Variants in HMGA2 observed in about 807,000 individuals in gnomAD.
The protein encoded by HMGA2 is high mobility group protein HMGI-C.
Under a neutral mutation model 19.1 loss-of-function variants are expected in HMGA2, and 8 were observed. The observed-to-expected ratio is 0.42, with a 90% confidence interval of 0.25 to 0.76. The LOEUF is 0.76. Among genes scored for constraint, HMGA2 ranks in the 30% least tolerant of loss-of-function variants. HMGA2 has a pLI of 0.28. For missense variants in HMGA2, 109 were observed against 136.3 expected, an observed-to-expected ratio of 0.80 and a Z score of 1.00; for synonymous variants, 60 against 48.8, an observed-to-expected ratio of 1.23 and a Z score of -0.96.
intron 3 of HMGA2, among the ~76,000 whole-genome samples, chr12:65,894,894 A>G (rs543316512): frequency 2.6e-5 from 4 of 152,286 alleles, no homozygotes; most frequent in African/African-American, 7.2e-5. Context: ...ATATGATTAC[A>G]TGGGCAAATA....
rs555633538 is a variant in HMGA2 at position 65,824,914 on chromosome 12, C to G, written c.-357C>G. ...TCCTGATCCCAACCCGCGAGAGGAG[C>G]CTCTGCGACCTCAAAGCCTCTCTTC... On this transcript the variant is annotated 5_prime_UTR_variant, in exon 1 of 5. Transcript: ENST00000403681. 3.3e-6 allele frequency: 1 copy of G among 299,012 alleles called. No individual in the cohort carries two copies. Among genetic ancestry groups the G allele is most frequent in the Non-Finnish European group, 6.2e-6 (1 of 160,176 alleles). 18.5% of individuals were successfully genotyped at this position (299,012 alleles called of 1,614,324 possible). A position where few individuals can be genotyped will look rare whatever the true frequency, so the allele number is the denominator to read the frequency against.
intron 3 of HMGA2, among the ~76,000 whole-genome samples, chr12:65,929,102 G>T (rs1875617998): frequency 6.6e-6 from 1 of 152,144 alleles, no homozygotes; most frequent in African/African-American, 2.4e-5. Context: ...TTTTGTATAG[G>T]TGTTTGGATA....
At chr12:65,956,682 TG>T (rs1465587719) in intron 4 of HMGA2, 1 of 152,184 alleles carries the variant, frequency 6.6e-6, no homozygotes, top group East Asian at 1.9e-4. Flanking sequence ...TTAGTGTTTC[TG>T]GACTTGACAA....
chr12:65,878,240 A>G (rs2121080008), intron 3 of HMGA2, among the ~76,000 whole-genome samples: 1 of 152,354 alleles, frequency 6.6e-6, no homozygotes, highest in South Asian at 2.1e-4. Flanking sequence ...GAGGATGCAT[A>G]AACTTGTTAT....
At position 65,932,763 on chromosome 12, in the gene HMGA2, A is replaced by T. The variant is rs117923051; in HGVS notation, c.250-18620A>T. ...TTAATCATTGGCCACTTTCTCTAGA[A>T]ATTGGAGGGAAACTGTGCAGCAACA... On this transcript the variant is annotated intron_variant, in intron 3 of 4. Coordinates refer to ENST00000403681, the MANE Select transcript of HMGA2 (RefSeq NM_003483.6). Among the ~76,000 whole-genome samples the T allele has an allele frequency of 1.5e-3, 235 of 152,280 alleles. 6 individuals are homozygous for T. The East Asian group carries it at 0.041, about 27-fold the overall frequency.
At chr12:65,881,467 T>G in intron 3 of HMGA2, 1 of 509,944 alleles carries the variant, frequency 2.0e-6, no homozygotes, top group Non-Finnish European at 3.5e-6. Flanking sequence ...AAAAAAACCC[T>G]TAAAGGATTA....
chr12:65,851,907 C>T (rs1010217674), intron 3 of HMGA2, among the ~76,000 whole-genome samples: 1 of 152,144 alleles, frequency 6.6e-6, no homozygotes, highest in Non-Finnish European at 1.5e-5. Context: ...GGACAGGTGA[C>T]TTATCCTTGA....
chr12:65,961,087 CAGG>C (rs1273168834), intron 4 of HMGA2, among the ~76,000 whole-genome samples: 1 of 152,098 alleles, frequency 6.6e-6, no homozygotes, highest in African/African-American at 2.4e-5. Flanking sequence ...CAGCACAATC[CAGG>C]AGGTTTGCCA....
chr12:65,941,815 T>G (rs1275550272), intron 3 of HMGA2, among the ~76,000 whole-genome samples: 1 of 152,218 alleles, frequency 6.6e-6, no homozygotes, highest in East Asian at 1.9e-4. Context: ...CCAAATAAAT[T>G]TTCTGAGTAT....
intron 3 of HMGA2, among the ~76,000 whole-genome samples, chr12:65,925,577 G>A (rs1875477331): frequency 6.6e-6 from 1 of 152,052 alleles, no homozygotes; most frequent in Non-Finnish European, 1.5e-5. Flanking sequence ...TGTCTAATAC[G>A]GCACTTCAAA....
In HMGA2 at chr12:65,944,205, C is replaced by T. The variant is rs1381890136; in HGVS notation, c.250-7178C>T. On this transcript the variant is annotated intron_variant, in intron 3 of 4. Coordinates refer to ENST00000403681, the MANE Select transcript of HMGA2 (RefSeq NM_003483.6). Reference sequence around the variant, plus strand: ...TTGTAGAATACCTCAAACTGAACTCCCCTATATCTGATCAATACCTGAGTT... The same window carrying T: ...TTGTAGAATACCTCAAACTGAACTCTCCTATATCTGATCAATACCTGAGTT... Among the ~76,000 whole-genome samples the T allele has an allele frequency of 2.6e-5, 4 of 152,208 alleles. No individual in the cohort carries two copies. The East Asian group carries it at 7.7e-4, about 29-fold the overall frequency.
intron 4 of HMGA2, chr12:65,956,748 G>A (rs987169573): frequency 9.2e-5 from 14 of 152,146 alleles, no homozygotes; most frequent in African/African-American, 2.7e-4. Flanking sequence ...GGGGAAGTCT[G>A]TGGATTAGGC....
chr12:65,858,113 T>C lies in HMGA2; in HGVS notation c.249+19544T>C, dbSNP rs188913668. The C allele has an allele frequency of 1.4e-3, 215 of 152,760 alleles. 2 individuals are homozygous for C. The highest frequency in any genetic ancestry group is 4.8e-3 in the African/African-American group (201 of 41,582). 9.5% of individuals were successfully genotyped at this position (152,760 alleles called of 1,614,324 possible). A position where few individuals can be genotyped will look rare whatever the true frequency, so the allele number is the denominator to read the frequency against. On this transcript the variant is annotated intron_variant, in intron 3 of 4. Transcript: ENST00000403681. The stretch of plus-strand genomic sequence containing the variant: ...CAGCCAGCCATTAATTCTAAGGAAA[T>C]GTCTTTTGCTGAGGTCGTTACTGCT...
chr12:65,913,938 G>A (rs943113443), intron 3 of HMGA2, among the ~76,000 whole-genome samples: 1 of 152,190 alleles, frequency 6.6e-6, no homozygotes, highest in Non-Finnish European at 1.5e-5. Flanking sequence ...TGAACACAAT[G>A]TTGAGAATTT....
intron 4 of HMGA2, among the ~76,000 whole-genome samples, chr12:65,961,837 C>A (rs1457273116): frequency 6.6e-6 from 1 of 151,850 alleles, no homozygotes; most frequent in East Asian, 1.9e-4. Context: ...GCTGCTTTTA[C>A]GCAAAAGCAT....
chr12:65,915,288 T>G, intron 3 of HMGA2: 1 of 1,455,668 alleles, frequency 6.9e-7, no homozygotes, highest in Non-Finnish European at 9.1e-7. Flanking sequence ...CTTTCTTATG[T>G]TTCCAACTGA....
Position 65,964,312 on chromosome 12 carries a change from T to C in HMGA2, c.*1020T>C, listed in dbSNP as rs929108878. On this transcript the variant is annotated 3_prime_UTR_variant, in exon 5 of 5. Transcript: ENST00000403681. ...GCAAAAAAAAAAAAGGGGGGGGCAATCTCTCTCTGTGTCTTTCTCTCTCTC... is the reference window on the plus strand; with the variant it reads ...GCAAAAAAAAAAAAGGGGGGGGCAACCTCTCTCTGTGTCTTTCTCTCTCTC... 1.4e-5 allele frequency: 3 copies of C among 206,978 alleles called. No individual in the cohort carries two copies. The highest frequency in any genetic ancestry group is 6.4e-5 in the Admixed American group (1 of 15,600). The allele number at this position is 206,978 out of a possible 1,614,324, so 12.8% of individuals were successfully genotyped here. A position where few individuals can be genotyped will look rare whatever the true frequency, so the allele number is the denominator to read the frequency against.
At chr12:65,863,188 C>T (rs1042597826) in intron 3 of HMGA2, among the ~76,000 whole-genome samples, 1 of 152,180 alleles carries the variant, frequency 6.6e-6, no homozygotes, top group Non-Finnish European at 1.5e-5. Context: ...TCTAGTGACA[C>T]CCCATTTTGC....
intron 3 of HMGA2, among the ~76,000 whole-genome samples, chr12:65,862,135 A>G (rs1173402090): frequency 1.3e-5 from 2 of 152,104 alleles, no homozygotes; most frequent in African/African-American, 4.8e-5. Flanking sequence ...GTGAGCCACC[A>G]CGCCTGGCTG....
Sources: allele counts gnomAD v4.1 joint callset (sites outside exome capture counted in the v4.1 genomes callset), GRCh38; gene constraint gnomAD v4.1.1; transcripts MANE v1.5; gene names NCBI Gene and HGNC (gene_info 2026-07-23, HGNC 2026-07-21).